NLGN1: variants seen among roughly 807,000 people sequenced by gnomAD.
The protein encoded by NLGN1 is neuroligin-1.
Under a neutral mutation model 65.5 loss-of-function variants are expected in NLGN1, and 12 were observed. The observed-to-expected ratio is 0.18, with a 90% CI of 0.12 to 0.30. The LOEUF (loss-of-function observed/expected upper bound fraction) is 0.30, where lower values mean the gene tolerates loss of function less well. NLGN1 is among the 10% of genes least tolerant of loss of function. The probability of loss-of-function intolerance (pLI) is 1.00; values close to 1 mark genes in which losing one functional copy is unlikely to be tolerated. For missense variants in NLGN1, 750 were observed against 1,007.1 expected (o/e 0.74, Z 3.46); for synonymous variants, 350 against 359.5 (o/e 0.97, Z 0.30).
chr3:173,767,113 C>T (rs907408701), intron 3 of NLGN1, among the ~76,000 whole-genome samples: 6 of 151,934 alleles, frequency 3.9e-5, no homozygotes, highest in African/African-American at 9.7e-5. Context: ...AATTATAATG[C>T]GGATATAAAT....
At chr3:173,982,521 T>A (rs2152395628) in intron 4 of NLGN1, among the ~76,000 whole-genome samples, 1 of 152,206 alleles carries the variant, frequency 6.6e-6, no homozygotes, top group East Asian at 1.9e-4. Flanking sequence ...GGAGCCAGAG[T>A]ATATCACGGA....
intron 4 of NLGN1, among the ~76,000 whole-genome samples, chr3:174,118,039 A>G (rs1285755632): frequency 1.3e-5 from 2 of 152,190 alleles, no homozygotes; most frequent in African/African-American, 4.8e-5. Flanking sequence ...CCATGTCATT[A>G]GTAGTTATTT....
At chr3:174,210,876 A>C (rs980560140) in intron 4 of NLGN1, among the ~76,000 whole-genome samples, 1 of 152,168 alleles carries the variant, frequency 6.6e-6, no homozygotes, top group African/African-American at 2.4e-5. Context: ...AATACTTACC[A>C]TTGTGTTGCA....
At chr3:173,493,585 A>C (rs958963908) in intron 2 of NLGN1, among the ~76,000 whole-genome samples, 1 of 151,870 alleles carries the variant, frequency 6.6e-6, no homozygotes, top group African/African-American at 2.4e-5. Flanking sequence ...AGTCCTGTAC[A>C]TTCATAAACT....
intron 2 of NLGN1, among the ~76,000 whole-genome samples, chr3:173,490,525 C>T (rs1331593503): frequency 6.6e-6 from 1 of 152,066 alleles, no homozygotes; most frequent in Non-Finnish European, 1.5e-5. Context: ...AGTCAGGTAG[C>T]ATGATGCCTC....
chr3:173,827,423 A>G (rs1721562219), intron 4 of NLGN1, among the ~76,000 whole-genome samples: 1 of 152,036 alleles, frequency 6.6e-6, no homozygotes, highest in African/African-American at 2.4e-5. Flanking sequence ...CCTGAGCTGG[A>G]TTTTAAATGA....
chr3:173,507,161 A>G (rs1046953313), intron 2 of NLGN1, among the ~76,000 whole-genome samples: 10 of 152,150 alleles, frequency 6.6e-5, no homozygotes, highest in Non-Finnish European at 1.5e-4. Context: ...GCTGTAGGGA[A>G]TAAGTACATG....
intron 2 of NLGN1, among the ~76,000 whole-genome samples, chr3:173,590,881 A>C (rs1748365059): frequency 6.6e-6 from 1 of 152,142 alleles, no homozygotes; most frequent in African/African-American, 2.4e-5. Context: ...AAATTATTTG[A>C]TCAAGACTTA....
intron 3 of NLGN1, among the ~76,000 whole-genome samples, chr3:173,797,719 A>G (rs900023686): frequency 1.3e-5 from 2 of 151,538 alleles, no homozygotes; most frequent in Non-Finnish European, 2.9e-5. Context: ...CAAGAAACAA[A>G]CAAGCAAAAA....
At chr3:173,710,943 T>C (rs1768851470) in intron 3 of NLGN1, among the ~76,000 whole-genome samples, 1 of 152,152 alleles carries the variant, frequency 6.6e-6, no homozygotes, top group Non-Finnish European at 1.5e-5. Flanking sequence ...AAAGCATTAT[T>C]CCAGTGAAAC....
intron 2 of NLGN1, among the ~76,000 whole-genome samples, chr3:173,515,204 G>A (rs113049513): frequency 5.9e-5 from 9 of 152,214 alleles, no homozygotes; most frequent in African/African-American, 1.4e-4. Flanking sequence ...TAACAGGTGC[G>A]ACATGATATC....
At chr3:174,006,329 T>G (rs1443952353) in intron 4 of NLGN1, among the ~76,000 whole-genome samples, 1 of 152,226 alleles carries the variant, frequency 6.6e-6, no homozygotes, top group Non-Finnish European at 1.5e-5. Context: ...TAAGTAAGTT[T>G]TCATCTTACT....
chr3:173,405,481 A>C (rs1718462385), intron 1 of NLGN1, among the ~76,000 whole-genome samples: 1 of 152,118 alleles, frequency 6.6e-6, no homozygotes, highest in African/African-American at 2.4e-5. Context: ...AAGGTGTCAG[A>C]GTCAATGAAA....
chr3:173,828,234 GATTTAAAC>G (rs1721760494), intron 4 of NLGN1, among the ~76,000 whole-genome samples: 1 of 152,062 alleles, frequency 6.6e-6, no homozygotes, highest in Non-Finnish European at 1.5e-5. Context: ...GTGGACACTT[GATTTAAAC>G]ATTTATCAAA....
intron 4 of NLGN1, among the ~76,000 whole-genome samples, chr3:174,237,169 T>C (rs1200813034): frequency 6.6e-6 from 1 of 152,120 alleles, no homozygotes; most frequent in Non-Finnish European, 1.5e-5. Flanking sequence ...TGTAAGGAAT[T>C]TCAAATACTT....
At chr3:173,467,616 A>G (rs1026263835) in intron 2 of NLGN1, among the ~76,000 whole-genome samples, 2 of 152,130 alleles carry the variant, frequency 1.3e-5, no homozygotes, top group African/African-American at 4.8e-5. Context: ...ACAATGTGCT[A>G]CATGTCATAA....
intron 2 of NLGN1, among the ~76,000 whole-genome samples, chr3:173,560,155 T>A (rs1377458972): frequency 2.0e-5 from 3 of 151,922 alleles, no homozygotes; most frequent in African/African-American, 7.2e-5. Flanking sequence ...GCGGTCTCGA[T>A]CTCCTGACCT....
chr3:173,755,319 G>A (rs1776931568), intron 3 of NLGN1, among the ~76,000 whole-genome samples: 1 of 151,908 alleles, frequency 6.6e-6, no homozygotes, highest in African/African-American at 2.4e-5. Flanking sequence ...AATTATTATT[G>A]CATCATTCTT....
chr3:174,027,320 C>A (rs969298744), intron 4 of NLGN1, among the ~76,000 whole-genome samples: 2 of 152,082 alleles, frequency 1.3e-5, no homozygotes, highest in Admixed American at 6.6e-5. Context: ...CCCTGTTCTC[C>A]AACATTCGAA....
Sources: allele counts gnomAD v4.1 joint callset (sites outside exome capture counted in the v4.1 genomes callset), GRCh38; gene constraint gnomAD v4.1.1; transcripts MANE v1.5; gene names NCBI Gene and HGNC (gene_info 2026-07-23, HGNC 2026-07-21).